PRIM2: variants seen among roughly 807,000 people sequenced by gnomAD.
PRIM2 encodes the protein DNA primase large subunit.
Under a neutral mutation model 67.3 loss-of-function variants are expected in PRIM2, and 39 were observed. The observed-to-expected ratio is 0.58, with a 90% CI of 0.45 to 0.76. The LOEUF is 0.76. Ranked by LOEUF, PRIM2 falls within the 30% of genes least tolerant of loss-of-function variation. PRIM2 has a pLI of 0.00. For synonymous variants in PRIM2, 143 were observed against 198.7 expected, an observed-to-expected ratio of 0.72 and a Z score of 2.36; for missense variants, 398 against 598.7, an observed-to-expected ratio of 0.66 and a Z score of 3.50.
At chr6:57,311,917 G>T (rs1260501671), upstream of PRIM2, among the ~76,000 whole-genome samples, 2 of 151,178 alleles carry the variant, frequency 1.3e-5, no homozygotes, top group African/African-American at 2.4e-5. Context: ...AGGCCGAGGC[G>T]GGAGAATCAC....
At chr6:57,243,255 AAAG>A in the PRIM2 span, among the ~76,000 whole-genome samples, 3 of 152,186 alleles carry the variant, frequency 2.0e-5, no homozygotes, top group Non-Finnish European at 4.4e-5. Context: ...TTTAATGGGG[AAAG>A]AAGAAGGATA....
Position 57,456,145 on chromosome 6 carries a change from C to T in PRIM2, c.694-51242C>T, listed in dbSNP as rs4738867. Among the ~76,000 whole-genome samples the T allele has an allele frequency of 9.5e-4, 144 of 152,178 alleles. 2 individuals are homozygous for T. The highest frequency in any genetic ancestry group is 6.9e-3 in the South Asian group (33 of 4,814). ...CTCTTTTGGCTTGTAGAGTTTCTGCCGAGAGATCCGCTGTTAGTCTGATGG... is the reference window on the plus strand; with the variant it reads ...CTCTTTTGGCTTGTAGAGTTTCTGCTGAGAGATCCGCTGTTAGTCTGATGG... On this transcript the variant is annotated intron_variant, in intron 7 of 13. Transcript: ENST00000615550.
chr6:57,227,407 G>A, the PRIM2 span, among the ~76,000 whole-genome samples: 1 of 152,148 alleles, frequency 6.6e-6, no homozygotes, highest in African/African-American at 2.4e-5. Flanking sequence ...ACTTTGGGAG[G>A]CCAAGGCAGG....
At chr6:57,309,388 G>T in the PRIM2 span, among the ~76,000 whole-genome samples, 1 of 148,502 alleles carries the variant, frequency 6.7e-6, no homozygotes, top group East Asian at 2.0e-4. Context: ...AGAATATGCG[G>T]TGTTTGGTTT....
chr6:57,457,744 C>G (rs1392782923), intron 7 of PRIM2, among the ~76,000 whole-genome samples: 1 of 152,184 alleles, frequency 6.6e-6, no homozygotes, highest in Non-Finnish European at 1.5e-5. Context: ...CTGGGTGAGG[C>G]AATGCCTGGC....
At chr6:57,413,820 C>T (rs1386679939) in intron 7 of PRIM2, among the ~76,000 whole-genome samples, 2 of 152,026 alleles carry the variant, frequency 1.3e-5, no homozygotes, top group African/African-American at 4.8e-5. Context: ...TGTGATTTGA[C>T]TGTGTATCTT....
intron 7 of PRIM2, among the ~76,000 whole-genome samples, chr6:57,418,639 A>G (rs1484751795): frequency 2.6e-5 from 4 of 151,760 alleles, no homozygotes; most frequent in African/African-American, 7.2e-5. Flanking sequence ...TGACCTCGTG[A>G]TCCACCCGCC....
chr6:57,317,523 CG>C (rs1198676778), upstream of PRIM2: 1 of 152,732 alleles, frequency 6.5e-6, no homozygotes, highest in Non-Finnish European at 1.5e-5. Context: ...TTCCCAGACG[CG>C]CTCCACTGAG....
intron 11 of PRIM2, among the ~76,000 whole-genome samples, chr6:57,604,933 G>T (rs1184575297): frequency 6.6e-6 from 1 of 152,010 alleles, no homozygotes; most frequent in South Asian, 2.1e-4. Context: ...CTCGTGATCC[G>T]CCCGCCTCGG....
intron 10 of PRIM2, among the ~76,000 whole-genome samples, chr6:57,580,561 C>G (rs1304519904): frequency 6.6e-6 from 1 of 152,122 alleles, no homozygotes; most frequent in Non-Finnish European, 1.5e-5. Context: ...ATCTAATAAA[C>G]TGGGGAGAAG....
intron 10 of PRIM2, among the ~76,000 whole-genome samples, chr6:57,539,612 TTGTG>T (rs1232932730): frequency 0.031 from 4,026 of 129,208 alleles, 61 homozygotes; most frequent in Middle Eastern, 0.054. Flanking sequence ...ATTATATTCT[TTGTG>T]TGTGTGTGTG....
intron 7 of PRIM2, among the ~76,000 whole-genome samples, chr6:57,460,098 G>C (rs1222826070): frequency 3.9e-5 from 6 of 151,908 alleles, no homozygotes; most frequent in Non-Finnish European, 5.9e-5. Context: ...GTGGGGGCAG[G>C]AGCATATAAG....
intron 7 of PRIM2, among the ~76,000 whole-genome samples, chr6:57,479,243 T>C (rs1385911228): frequency 1.3e-5 from 2 of 152,186 alleles, no homozygotes; most frequent in African/African-American, 4.8e-5. Flanking sequence ...TAATCAGAAC[T>C]GATTTGTGTG....
At chr6:57,645,807 A>G (rs1777324233) in intron 13 of PRIM2, 121 bp from the exon 14 acceptor site, 2 of 631,550 alleles carry the variant, frequency 3.2e-6, no homozygotes, top group African/African-American at 1.8e-5. Context: ...GTTAGAATGC[A>G]AACAGCTAGA....
At chr6:57,567,768 T>G (rs1178459245) in intron 10 of PRIM2, among the ~76,000 whole-genome samples, 1 of 152,130 alleles carries the variant, frequency 6.6e-6, no homozygotes, top group Admixed American at 6.6e-5. Context: ...CACATCTTAG[T>G]CATGTTGGGG....
At chr6:57,608,467 G>A (rs1240842764) in intron 12 of PRIM2, among the ~76,000 whole-genome samples, 3 of 152,160 alleles carry the variant, frequency 2.0e-5, no homozygotes, top group Non-Finnish European at 4.4e-5. Flanking sequence ...GCAGTGGCTT[G>A]TACCTGTAAT....
At chr6:57,231,582 T>A in the PRIM2 span, among the ~76,000 whole-genome samples, 2 of 152,222 alleles carry the variant, frequency 1.3e-5, no homozygotes, top group African/African-American at 4.8e-5. Context: ...ATATTTAATA[T>A]CTTCACAATT....
chr6:57,372,762 T>C (rs1347440450), intron 5 of PRIM2, among the ~76,000 whole-genome samples: 2 of 152,222 alleles, frequency 1.3e-5, no homozygotes, highest in South Asian at 4.1e-4. Flanking sequence ...GCTCCATCCA[T>C]GTCCCTGCAA....
chr6:57,229,530 C>T, the PRIM2 span, among the ~76,000 whole-genome samples: 8 of 151,682 alleles, frequency 5.3e-5, no homozygotes, highest in African/African-American at 1.7e-4. Flanking sequence ...CTCTGTTGCC[C>T]AGGCTGGAGT....
Sources: gnomAD v4.1 joint callset for allele counts (sites outside exome capture counted in the v4.1 genomes callset) on GRCh38, gnomAD v4.1.1 for gene constraint, MANE v1.5 for transcripts, NCBI Gene and HGNC (gene_info 2026-07-23, HGNC 2026-07-21) for gene names.